The following SLC16A10 variants were observed in gnomAD, a reference collection of about 807,000 sequenced individuals.
SLC16A10 encodes solute carrier family 16 member 10, also known as monocarboxylate transporter 10.
Under a neutral mutation model 40.0 loss-of-function variants are expected in SLC16A10, and 27 were observed. That is an observed-to-expected ratio of 0.67 (90% CI 0.50 to 0.93). SLC16A10 has a LOEUF of 0.93. Among genes scored for constraint, SLC16A10 ranks in the 40% least tolerant of loss-of-function variants. The pLI is 0.00. For missense variants in SLC16A10, 529 were observed against 658.2 expected (o/e 0.80, Z 2.15); for synonymous variants, 213 against 249.8 (o/e 0.85, Z 1.39).
intron 1 of SLC16A10, among the ~76,000 whole-genome samples, chr6:111,130,802 T>C (rs1026716595): frequency 6.6e-6 from 1 of 152,234 alleles, no homozygotes; most frequent in Non-Finnish European, 1.5e-5. Flanking sequence ...TAAATAGACA[T>C]ACAGCAATGT....
At position 111,207,306 on chromosome 6, in the gene SLC16A10, T is replaced by C. The variant is rs756582102; in HGVS notation, c.1086+571T>C. On this transcript the variant is annotated intron_variant, in intron 4 of 5. Coordinates refer to ENST00000368851, the MANE Select transcript of SLC16A10 (RefSeq NM_018593.5). ...CTATGAAGAATGTTTTTTGGTGTAGTTCTCATAGTCATGTGCAGATCCTGT... is the reference window on the plus strand; with the variant it reads ...CTATGAAGAATGTTTTTTGGTGTAGCTCTCATAGTCATGTGCAGATCCTGT... 6.4e-4 allele frequency among the ~76,000 whole-genome samples: 97 copies of C among 152,108 alleles called. 2 individuals are homozygous for C. The highest frequency in any genetic ancestry group is 3.4e-3 in the Middle Eastern group (1 of 292).
At chr6:111,099,590 T>C (rs1208410837) in intron 1 of SLC16A10, among the ~76,000 whole-genome samples, 1 of 152,114 alleles carries the variant, frequency 6.6e-6, no homozygotes, top group African/African-American at 2.4e-5. Context: ...GTTGGGATTA[T>C]AGATGTGAGC....
intron 1 of SLC16A10, among the ~76,000 whole-genome samples, chr6:111,113,638 G>A (rs1366893357): frequency 1.3e-5 from 2 of 152,178 alleles, no homozygotes; most frequent in African/African-American, 2.4e-5. Context: ...GTACATGCAC[G>A]CACTTGTGTG....
chr6:111,104,147 G>T (rs1382142720), intron 1 of SLC16A10, among the ~76,000 whole-genome samples: 1 of 152,168 alleles, frequency 6.6e-6, no homozygotes, highest in Non-Finnish European at 1.5e-5. Flanking sequence ...CTGGGGAACG[G>T]AAGATCTAAA....
At chr6:111,090,631 GCACA>G (rs368322303) in intron 1 of SLC16A10, among the ~76,000 whole-genome samples, 1 of 151,056 alleles carries the variant, frequency 6.6e-6, no homozygotes, top group Non-Finnish European at 1.5e-5. Flanking sequence ...TTCCTTCAGT[GCACA>G]CACACACACA....
At chr6:111,106,246 A>C (rs1489252445) in intron 1 of SLC16A10, among the ~76,000 whole-genome samples, 4 of 152,264 alleles carry the variant, frequency 2.6e-5, no homozygotes, top group African/African-American at 9.6e-5. Flanking sequence ...ACTTGATAGT[A>C]GTAAAGGTTG....
chr6:111,197,368 G>A (rs764477571), intron 3 of SLC16A10, among the ~76,000 whole-genome samples: 142 of 152,090 alleles, frequency 9.3e-4, no homozygotes, highest in Non-Finnish European at 1.8e-3. Flanking sequence ...AGAACTAATG[G>A]CCTAATTTCT....
intron 5 of SLC16A10, among the ~76,000 whole-genome samples, chr6:111,220,626 A>G (rs1770871771): frequency 6.6e-6 from 1 of 152,244 alleles, no homozygotes; most frequent in Admixed American, 6.5e-5. Context: ...TGGTCTCCTT[A>G]TAGGAGAACC....
chr6:111,184,483 G>T (rs1358414225), intron 3 of SLC16A10, among the ~76,000 whole-genome samples: 1 of 150,576 alleles, frequency 6.6e-6, no homozygotes, highest in African/African-American at 2.4e-5. Flanking sequence ...AATTGGAAAT[G>T]ATTTTTTTTT....
chr6:111,174,290 T>C lies in SLC16A10; in HGVS notation c.488+1451T>C, dbSNP rs531881309. Among the ~76,000 whole-genome samples, 11 of 152,230 alleles carry C rather than the reference T, an allele frequency of 7.2e-5. No individual in the cohort carries two copies. The South Asian group carries it at 2.3e-3, about 32-fold the overall frequency. ...CGTTAATGTGGTCATTAAGGAAAAATAAGTCAAATTTACATTTGACTTTTT... is the reference window on the plus strand; with the variant it reads ...CGTTAATGTGGTCATTAAGGAAAAACAAGTCAAATTTACATTTGACTTTTT... On this transcript the variant is annotated intron_variant, in intron 2 of 5. Coordinates refer to ENST00000368851, the MANE Select transcript of SLC16A10 (RefSeq NM_018593.5).
chr6:111,110,277 G>A lies in SLC16A10; in HGVS notation c.343+22182G>A, dbSNP rs530309955. On this transcript the variant is annotated intron_variant, in intron 1 of 5. Transcript: ENST00000368851. ...AGAGATAGGGGTACAGGCTAAGAAGGGAGGAAGTCAAGTCAAAGGGAGAAG... is the reference window on the plus strand; with the variant it reads ...AGAGATAGGGGTACAGGCTAAGAAGAGAGGAAGTCAAGTCAAAGGGAGAAG... Among the ~76,000 whole-genome samples, 33 of 152,214 alleles carry A rather than the reference G, an allele frequency of 2.2e-4. No individual in the cohort carries two copies. In the South Asian group the frequency reaches 6.4e-3, roughly 30 times the overall value.
chr6:111,191,346 A>G (rs965598142), intron 3 of SLC16A10, among the ~76,000 whole-genome samples: 6 of 152,216 alleles, frequency 3.9e-5, no homozygotes, highest in African/African-American at 1.4e-4. Context: ...AAAGGACATG[A>G]ACTCATCCTT....
chr6:111,148,481 A>G (rs1325501221), intron 1 of SLC16A10, among the ~76,000 whole-genome samples: 1 of 152,262 alleles, frequency 6.6e-6, no homozygotes, highest in Non-Finnish European at 1.5e-5. Context: ...CCTATTTGAC[A>G]GGCCAACAAT....
intron 1 of SLC16A10, among the ~76,000 whole-genome samples, chr6:111,171,497 C>A (rs893105814): frequency 8.5e-5 from 13 of 152,144 alleles, no homozygotes; most frequent in Non-Finnish European, 1.8e-4. Context: ...ACAAAAGAAA[C>A]ACACACAAAA....
At chr6:111,124,984 A>C (rs1028448603) in intron 1 of SLC16A10, among the ~76,000 whole-genome samples, 6 of 152,214 alleles carry the variant, frequency 3.9e-5, no homozygotes, top group Non-Finnish European at 8.8e-5. Context: ...TGATGACTAC[A>C]TGGCACAATT....
At chr6:111,097,487 T>C (rs1042750927) in intron 1 of SLC16A10, among the ~76,000 whole-genome samples, 8 of 151,952 alleles carry the variant, frequency 5.3e-5, no homozygotes, top group African/African-American at 1.7e-4. Flanking sequence ...AATTTTTTTG[T>C]ATTTTTAGTA....
At chr6:111,218,203 T>C (rs1263156493) in intron 4 of SLC16A10, among the ~76,000 whole-genome samples, 1 of 152,156 alleles carries the variant, frequency 6.6e-6, no homozygotes, top group Non-Finnish European at 1.5e-5. Context: ...CTTCATAATA[T>C]CTAGTCCAAA....
intron 3 of SLC16A10, chr6:111,193,397 G>A: frequency 8.7e-6 from 7 of 804,310 alleles, no homozygotes; most frequent in Non-Finnish European, 1.1e-5. Context: ...TACTTGAGAT[G>A]AATAAGGATC....
chr6:111,222,405 T>C lies in SLC16A10; in HGVS notation c.*170T>C. ...AGAAGAACCATTTTCTGCCACTAAA[T>C]ATCTCTGATGTTTCCATGAGTCTGA... On this transcript the variant is annotated 3_prime_UTR_variant, in exon 6 of 6. Coordinates refer to ENST00000368851, the MANE Select transcript of SLC16A10 (RefSeq NM_018593.5). 7.9e-6 allele frequency: 6 copies of C among 759,882 alleles called. No individual in the cohort carries two copies. Among genetic ancestry groups the C allele is most frequent in the Non-Finnish European group, 7.7e-6 (4 of 517,434 alleles). The allele number at this position is 759,882 out of a possible 1,614,324, so 47.1% of individuals were successfully genotyped here.
Sources: allele counts gnomAD v4.1 joint callset (sites outside exome capture counted in the v4.1 genomes callset), GRCh38; gene constraint gnomAD v4.1.1; transcripts MANE v1.5; gene names NCBI Gene and HGNC (gene_info 2026-07-23, HGNC 2026-07-21).